GLIS3: variants seen among roughly 807,000 people sequenced by gnomAD.
The protein encoded by GLIS3 is zinc finger protein GLIS3.
GLIS3 carries 53 observed loss-of-function variants against 78.6 expected under a neutral mutation model. The ratio of observed to expected loss-of-function variants is 0.67; its 90% CI spans 0.54 to 0.85. The LOEUF (loss-of-function observed/expected upper bound fraction) is 0.85. GLIS3 is among the 40% of genes least tolerant of loss of function. GLIS3 has a pLI of 0.00. For synonymous variants in GLIS3, 684 were observed against 509.9 expected (o/e 1.34, Z -4.60); for missense variants, 1,703 against 1,231.1 (o/e 1.38, Z -5.74).
the GLIS3 span, among the ~76,000 whole-genome samples, chr9:4,415,150 G>C: frequency 7.9e-5 from 12 of 152,270 alleles, no homozygotes; most frequent in African/African-American, 2.4e-4. Context: ...CAGAGACTAT[G>C]ATAGAAGGTG....
chr9:4,078,335 G>T (rs543627608), intron 4 of GLIS3, among the ~76,000 whole-genome samples: 2 of 152,046 alleles, frequency 1.3e-5, no homozygotes, highest in African/African-American at 4.8e-5. Context: ...AGATGCTTCT[G>T]CAAAGTCCTG....
chr9:3,933,081 G>C (rs573782291), intron 5 of GLIS3, among the ~76,000 whole-genome samples: 1 of 152,140 alleles, frequency 6.6e-6, no homozygotes, highest in Non-Finnish European at 1.5e-5. Flanking sequence ...AAGTGAATAA[G>C]CTCTTGGCTG....
intron 2 of GLIS3, among the ~76,000 whole-genome samples, chr9:4,170,239 G>C (rs774991543): frequency 6.6e-6 from 1 of 152,172 alleles, no homozygotes; most frequent in Non-Finnish European, 1.5e-5. Flanking sequence ...GTGAAGATAG[G>C]AATTAACAAT....
rs1817661150 is a variant in GLIS3 at position 3,825,167 on chromosome 9, A to C, written c.*3105T>G. The C allele has an allele frequency of 6.6e-6, 1 of 152,174 alleles. No homozygotes were observed. The highest frequency in any genetic ancestry group is 1.5e-5 in the Non-Finnish European group (1 of 68,028). The allele number at this position is 152,174 out of a possible 1,614,324, so 9.4% of individuals were successfully genotyped here. Reference sequence around the variant, plus strand: ...GGGCTACTGTGCTTGACGGCTGGTAATTTAGAAACAACTGAACAAAGCCAA... The same window carrying C: ...GGGCTACTGTGCTTGACGGCTGGTACTTTAGAAACAACTGAACAAAGCCAA... On this transcript the variant is annotated 3_prime_UTR_variant, in exon 11 of 11. Coordinates refer to ENST00000381971, the MANE Select transcript of GLIS3 (RefSeq NM_001042413.2).
chr9:4,047,699 G>A (rs1825367992), intron 4 of GLIS3, among the ~76,000 whole-genome samples: 1 of 152,178 alleles, frequency 6.6e-6, no homozygotes, highest in South Asian at 2.1e-4. Flanking sequence ...AGTATGAAAA[G>A]AGGTGGGAGT....
intron 2 of GLIS3, among the ~76,000 whole-genome samples, chr9:4,204,749 A>C (rs1819708504): frequency 6.6e-6 from 1 of 151,916 alleles, no homozygotes; most frequent in African/African-American, 2.4e-5. Context: ...CCGTGTCTCT[A>C]GTAAAATACA....
intron 2 of GLIS3, among the ~76,000 whole-genome samples, chr9:4,201,868 G>C (rs746911366): frequency 6.0e-4 from 92 of 152,280 alleles, no homozygotes; most frequent in Admixed American, 1.2e-3. Context: ...AGGCATGGTA[G>C]CTCATGCCTG....
At chr9:4,358,256 CTT>C in the GLIS3 span, among the ~76,000 whole-genome samples, 1 of 151,936 alleles carries the variant, frequency 6.6e-6, no homozygotes, top group African/African-American at 2.4e-5. Context: ...AGGAATTCTG[CTT>C]TTTTTTGTAT....
At chr9:4,424,454 T>A in the GLIS3 span, among the ~76,000 whole-genome samples, 1 of 152,154 alleles carries the variant, frequency 6.6e-6, no homozygotes, top group South Asian at 2.1e-4. Flanking sequence ...CTAACAGGAG[T>A]ATGACCCGAG....
chr9:4,111,034 A>C (rs1831170409), intron 4 of GLIS3, among the ~76,000 whole-genome samples: 2 of 152,336 alleles, frequency 1.3e-5, no homozygotes, highest in South Asian at 4.1e-4. Context: ...ATATATTGCC[A>C]AACAAATTTT....
intron 4 of GLIS3, among the ~76,000 whole-genome samples, chr9:4,013,653 T>A (rs1054300678): frequency 2.0e-5 from 3 of 152,190 alleles, no homozygotes; most frequent in African/African-American, 7.2e-5. Flanking sequence ...TGGCTTAAGT[T>A]ATTCTCTGGG....
rs74777663 is a variant in GLIS3, at chr9:4,338,024, C to CTGTGTGTG, written n.264+9049_264+9056dup. On this transcript the variant is annotated intron_variant and non_coding_transcript_variant, in intron 2 of 4. Coordinates refer to the GLIS3 transcript ENST00000471664. Reference sequence around the variant, plus strand: ...TGTCTAACTGGTAAGATTGGCAAGGCTGTGTGTGTGTGTGTGTGTGTGTGT... The same window carrying CTGTGTGTG: ...TGTCTAACTGGTAAGATTGGCAAGGCTGTGTGTGTGTGTGTGTGTGTGTGTGTGTGTGT... 2.1e-3 allele frequency among the ~76,000 whole-genome samples: 294 copies of CTGTGTGTG among 139,076 alleles called. 1 individual carries two copies. Among genetic ancestry groups the CTGTGTGTG allele is most frequent in the African/African-American group, 5.6e-3 (192 of 34,404 alleles). 91.2% of individuals were successfully genotyped at this position (139,076 alleles called of 152,430 possible). A position where few individuals can be genotyped will look rare whatever the true frequency, so the allele number is the denominator to read the frequency against.
chr9:4,434,591 G>C, the GLIS3 span, among the ~76,000 whole-genome samples: 1 of 152,088 alleles, frequency 6.6e-6, no homozygotes, highest in Non-Finnish European at 1.5e-5. Flanking sequence ...GTGATAGGTG[G>C]GTGAGTGGAT....
At chr9:4,126,240 T>G (rs1276308233) in intron 2 of GLIS3, among the ~76,000 whole-genome samples, 1 of 152,236 alleles carries the variant, frequency 6.6e-6, no homozygotes, top group East Asian at 1.9e-4. Flanking sequence ...CCTAAAGGGT[T>G]AAGGTGGTAA....
chr9:4,131,054 G>C (rs1309297539), intron 2 of GLIS3, among the ~76,000 whole-genome samples: 1 of 152,144 alleles, frequency 6.6e-6, no homozygotes, highest in Non-Finnish European at 1.5e-5. Context: ...AAGATTTAAT[G>C]ACTGCCCTAG....
intron 4 of GLIS3, among the ~76,000 whole-genome samples, chr9:4,012,494 A>AT (rs1213057903): frequency 2.0e-5 from 3 of 152,180 alleles, no homozygotes; most frequent in Non-Finnish European, 4.4e-5. Context: ...CCTTCCAATA[A>AT]TTTTGTAAAG....
chr9:3,862,972 T>C (rs1412442261), intron 8 of GLIS3, among the ~76,000 whole-genome samples: 4 of 152,212 alleles, frequency 2.6e-5, no homozygotes, highest in South Asian at 2.1e-4. Context: ...TTAAAATTCA[T>C]CTGTGCAAAC....
the GLIS3 span, among the ~76,000 whole-genome samples, chr9:4,453,463 A>G: frequency 1.3e-5 from 2 of 152,074 alleles, no homozygotes; most frequent in African/African-American, 4.8e-5. Context: ...GAATCTACAA[A>G]GAACTTAAAC....
chr9:3,996,496 C>T (rs1472783468), intron 4 of GLIS3, among the ~76,000 whole-genome samples: 1 of 152,106 alleles, frequency 6.6e-6, no homozygotes, highest in South Asian at 2.1e-4. Context: ...ATTAACTTTA[C>T]TTTCTGTTAC....
Sources: gnomAD v4.1 joint callset for allele counts (sites outside exome capture counted in the v4.1 genomes callset) on GRCh38, gnomAD v4.1.1 for gene constraint, MANE v1.5 for transcripts, NCBI Gene and HGNC (gene_info 2026-07-23, HGNC 2026-07-21) for gene names.